Variants in EML4 observed in about 807,000 individuals in gnomAD.
EML4 encodes the protein EMAP like 4, also known as echinoderm microtubule-associated protein-like 4.
In EML4, 72 loss-of-function variants were observed where a neutral mutation model predicts 129.0. The ratio of observed to expected loss-of-function variants is 0.56; its 90% CI spans 0.46 to 0.68. The LOEUF (loss-of-function observed/expected upper bound fraction) is 0.68, where lower values mean the gene tolerates loss of function less well. EML4 is among the 30% of genes least tolerant of loss of function. EML4 has a pLI of 0.00. For synonymous variants in EML4, 532 were observed against 405.0 expected (o/e 1.31, Z -3.77); for missense variants, 1,363 against 1,190.6 (o/e 1.14, Z -2.13).
intron 1 of EML4, among the ~76,000 whole-genome samples, chr2:42,182,158 CTT>C (rs36105464): frequency 3.2e-5 from 4 of 126,208 alleles, no homozygotes; most frequent in Non-Finnish European, 3.3e-5. Context: ...AAAAATTCTT[CTT>C]TTTTTTTTTT....
rs1224271954 is a variant in EML4 at position 42,171,071 on chromosome 2, C to CCAA, written c.25+1436_25+1437insAAC. Among the ~76,000 whole-genome samples the CCAA allele has an allele frequency of 4.6e-5, 7 of 152,310 alleles. No individual in the cohort carries two copies. In the East Asian group the frequency reaches 1.3e-3, roughly 29 times the overall value. ...TGTTACTCTTTCCTCCTCAAAGGCACCTGTTGTCCATTATCTAACCTTTGA... is the reference window on the plus strand; with the variant it reads ...TGTTACTCTTTCCTCCTCAAAGGCACCAACTGTTGTCCATTATCTAACCTTTGA... On this transcript the variant is annotated intron_variant, in intron 1 of 22. Transcript: ENST00000318522.
In EML4 at chr2:42,331,087, A is replaced by T. The variant is rs921830589; in HGVS notation, c.*880A>T. The T allele has an allele frequency of 4.6e-6, 1 of 217,886 alleles. No homozygotes were observed. The highest frequency in any genetic ancestry group is 9.2e-6 in the Non-Finnish European group (1 of 108,210). The allele number at this position is 217,886 out of a possible 1,614,324, so 13.5% of individuals were successfully genotyped here. A position where few individuals can be genotyped will look rare whatever the true frequency, so the allele number is the denominator to read the frequency against. The stretch of plus-strand genomic sequence containing the variant: ...AATAATTACCTGGCTAATTTCAGCT[A>T]AGCCTTCATCATAATTTGTTCCCTC... On this transcript the variant is annotated 3_prime_UTR_variant, in exon 23 of 23. Coordinates refer to ENST00000318522, the MANE Select transcript of EML4 (RefSeq NM_019063.5).
rs143234265 is a variant in EML4 at position 42,245,608 on chromosome 2, G to A, written c.129G>A (p.Ala43=). Residue 43 remains alanine (A), a synonymous_variant, in exon 2 of 23, where the codon GCG becomes GCA. Coordinates refer to ENST00000318522, the MANE Select transcript of EML4 (RefSeq NM_019063.5). ...QQEDEITVLK[A]ALADVLRRLA... is the part of the protein sequence containing the mutation. ...AAGATGAAATCACTGTGCTAAAGGC[G>A]GCTTTGGCTGATGTTTTGAGGCGTC... 249 of 1,613,686 alleles carry A rather than the reference G, an allele frequency of 1.5e-4. No homozygotes were observed. In the East Asian group the frequency reaches 4.9e-3, roughly 32 times the overall value.
chr2:42,190,231 T>G (rs993793978), intron 1 of EML4, among the ~76,000 whole-genome samples: 10 of 152,198 alleles, frequency 6.6e-5, no homozygotes, highest in Non-Finnish European at 4.4e-5. Flanking sequence ...GACTTTCTAT[T>G]CTTTGCAACC....
At chr2:42,317,560 G>A in intron 19 of EML4, 36 bp downstream of exon 19, 1 of 1,477,398 alleles carries the variant, frequency 6.8e-7, no homozygotes, top group Non-Finnish European at 9.3e-7. Flanking sequence ...TAAAATTATT[G>A]GGAAATTTTA....
intron 4 of EML4, 151 bp from the exon 5 acceptor site, chr2:42,263,027 C>T (rs1022846948): frequency 8.2e-6 from 5 of 611,134 alleles, no homozygotes; most frequent in African/African-American, 7.8e-5. Flanking sequence ...TTAACTCCTT[C>T]ACTCATCCAG....
At chr2:42,202,435 T>C (rs893227352) in intron 1 of EML4, among the ~76,000 whole-genome samples, 1 of 152,092 alleles carries the variant, frequency 6.6e-6, no homozygotes, top group African/African-American at 2.4e-5. Flanking sequence ...CAGTGTTCTC[T>C]AGAGGGACAG....
intron 17 of EML4, among the ~76,000 whole-genome samples, chr2:42,312,557 ATT>A (rs35842539): frequency 9.0e-4 from 133 of 147,596 alleles, no homozygotes; most frequent in Middle Eastern, 3.5e-3. Flanking sequence ...GCCAATCAGA[ATT>A]TTTTTTTTTT....
chr2:42,325,602 T>TTATTTATATATATATATATA (rs1669752765), intron 20 of EML4, 48 bp downstream of exon 20: 1 of 124,278 alleles, frequency 8.0e-6, no homozygotes, highest in South Asian at 2.0e-4. Flanking sequence ...ATGATTATAT[T>TTATTTATATATATATATATA]TATATATATA....
intron 1 of EML4, among the ~76,000 whole-genome samples, chr2:42,171,600 T>C (rs1670284521): frequency 6.6e-6 from 1 of 152,228 alleles, no homozygotes; most frequent in Non-Finnish European, 1.5e-5. Flanking sequence ...TTGACCCTAA[T>C]GTTGGATTTA....
At chr2:42,245,850 T>A (rs1057098512) in intron 2 of EML4, among the ~76,000 whole-genome samples, 163 bp downstream of exon 2, 1 of 152,212 alleles carries the variant, frequency 6.6e-6, no homozygotes, top group African/African-American at 2.4e-5. Flanking sequence ...AAGTTTATTC[T>A]TTATTATTTA....
chr2:42,331,302 C>T lies in EML4; in HGVS notation c.*1095C>T. The T allele has an allele frequency of 1.3e-5, 3 of 223,348 alleles. No individual in the cohort carries two copies. The highest frequency in any genetic ancestry group is 2.7e-5 in the Non-Finnish European group (3 of 111,608). 13.8% of individuals were successfully genotyped at this position (223,348 alleles called of 1,614,324 possible). A position where few individuals can be genotyped will look rare whatever the true frequency, so the allele number is the denominator to read the frequency against. On this transcript the variant is annotated 3_prime_UTR_variant, in exon 23 of 23. Transcript: ENST00000318522. ...TTTTACCAACAGCATACTTAACAGA[C>T]TTGCTGTGTAGCAGTTTTTTTCTGG...
chr2:42,231,970 T>G (rs565311760), intron 1 of EML4, among the ~76,000 whole-genome samples: 4 of 152,194 alleles, frequency 2.6e-5, no homozygotes, highest in Non-Finnish European at 5.9e-5. Context: ...ATTATTTATT[T>G]CTAATTTCTG....
chr2:42,187,907 C>G (rs1255754835), intron 1 of EML4, among the ~76,000 whole-genome samples: 1 of 152,012 alleles, frequency 6.6e-6, no homozygotes, highest in East Asian at 1.9e-4. Flanking sequence ...TTGTGTCCTA[C>G]TTAAGGAATT....
intron 1 of EML4, among the ~76,000 whole-genome samples, chr2:42,182,569 G>A (rs1437918636): frequency 6.6e-6 from 1 of 152,072 alleles, no homozygotes; most frequent in Non-Finnish European, 1.5e-5. Context: ...TGAACTATGG[G>A]GGAAGGGGAG....
At chr2:42,283,037 T>G (rs1356839968) in intron 8 of EML4, 65 bp downstream of exon 8, 46 of 1,399,412 alleles carry the variant, frequency 3.3e-5, no homozygotes, top group Non-Finnish European at 4.9e-6. Context: ...TTTTTTAAAT[T>G]TGGGTTTTAT....
chr2:42,266,067 C>A (rs545114624), intron 6 of EML4, among the ~76,000 whole-genome samples: 1 of 152,286 alleles, frequency 6.6e-6, no homozygotes, highest in East Asian at 1.9e-4. Context: ...ATTATAGTAA[C>A]CAGCTGCAAC....
intron 1 of EML4, among the ~76,000 whole-genome samples, chr2:42,194,620 C>T (rs903726289): frequency 6.6e-6 from 1 of 151,924 alleles, no homozygotes; most frequent in African/African-American, 2.4e-5. Flanking sequence ...AAGCGATCCT[C>T]TCACCTCAGC....
chr2:42,315,327 A>G (rs562339357), intron 17 of EML4, among the ~76,000 whole-genome samples: 1 of 152,226 alleles, frequency 6.6e-6, no homozygotes, highest in East Asian at 1.9e-4. Flanking sequence ...CAATTGACTC[A>G]TTTCCTTTCT....
Sources: gnomAD v4.1 joint callset for allele counts (sites outside exome capture counted in the v4.1 genomes callset) on GRCh38, gnomAD v4.1.1 for gene constraint, MANE v1.5 for transcripts, NCBI Gene and HGNC (gene_info 2026-07-23, HGNC 2026-07-21) for gene names.